The following DST variants were observed in gnomAD, a reference collection of about 807,000 sequenced individuals.
DST encodes dystonin.
DST carries 253 observed loss-of-function variants against 875.2 expected under a neutral mutation model. That is an observed-to-expected ratio of 0.29 (90% CI 0.26 to 0.32). The LOEUF is 0.32. DST is among the 10% of genes least tolerant of loss of function. The pLI, the probability that DST is intolerant of heterozygous loss-of-function variation, is 1.00. For synonymous variants in DST, 3,124 were observed against 3,197.1 expected, an observed-to-expected ratio of 0.98 and a Z score of 0.77; for missense variants, 8,287 against 9,111.6, an observed-to-expected ratio of 0.91 and a Z score of 3.68.
intron 5 of DST, among the ~76,000 whole-genome samples, chr6:56,732,623 T>C (rs2099505452): frequency 6.6e-6 from 1 of 152,216 alleles, no homozygotes; most frequent in Non-Finnish European, 1.5e-5. Flanking sequence ...AGCTCCACAA[T>C]GTTTACTTTT....
At chr6:56,877,110 C>A (rs890647699) in intron 3 of DST, among the ~76,000 whole-genome samples, 4 of 152,176 alleles carry the variant, frequency 2.6e-5, no homozygotes, top group African/African-American at 9.7e-5. Flanking sequence ...AGGCTCTTAC[C>A]TAGATACCTG....
intron 3 of DST, among the ~76,000 whole-genome samples, chr6:56,853,762 T>C (rs1766462908): frequency 6.6e-6 from 1 of 152,080 alleles, no homozygotes; most frequent in South Asian, 2.1e-4. Flanking sequence ...TAATCACTCA[T>C]AGCCAGATGG....
rs1336481799 is a variant in DST, at chr6:56,555,322, A to G, written c.15136+23T>C. ...TGACATTTATTTCTGACCAGGAAAT[A>G]TATGTATTAAAAGTAGACAAACCTG... On this transcript the variant is annotated intron_variant, in intron 60 of 103. Transcript: ENST00000680361. 3.9e-6 allele frequency: 6 copies of G among 1,537,826 alleles called. No individual in the cohort carries two copies. The Admixed American group carries it at 8.2e-5, about 21-fold the overall frequency.
chr6:56,463,505 A>G, intron 101 of DST, 60 bp downstream of exon 101: 1 of 1,436,240 alleles, frequency 7.0e-7, no homozygotes, highest in East Asian at 2.3e-5. Flanking sequence ...AGAACATTCA[A>G]AAGTCTACTT....
Position 56,607,430 on chromosome 6 carries a change from T to C in DST, c.7198A>G (p.Asn2400Asp), listed in dbSNP as rs779755441. The change falls in exon 40 of 104, where the codon AAT (asparagine) becomes GAT (aspartate). Residue 2400 changes from asparagine to aspartate, a missense_variant. Physicochemically the swap from Asn to Asp is conservative, Grantham distance 23. Transcript: ENST00000680361. ...CTCATTTTTGATTTCATAATAGGATTTTCTATTAAATCACTTGGAAAGTTT... is the reference window on the plus strand; with the variant it reads ...CTCATTTTTGATTTCATAATAGGATCTTCTATTAAATCACTTGGAAAGTTT... ...IQNFPSDLIE[N>D]PIMKSKMSKF... 1 of 1,609,634 alleles carries C rather than the reference T, an allele frequency of 6.2e-7. No individual in the cohort carries two copies. The highest frequency in any genetic ancestry group is 8.5e-7 in the Non-Finnish European group (1 of 1,177,598).
chr6:56,790,474 A>G (rs1191506450), intron 4 of DST, among the ~76,000 whole-genome samples: 1 of 152,204 alleles, frequency 6.6e-6, no homozygotes, highest in African/African-American at 2.4e-5. Flanking sequence ...TACCCCAGAT[A>G]AAGCCTATTA....
chr6:56,718,562 T>C (rs1232078168), intron 5 of DST, among the ~76,000 whole-genome samples: 2 of 152,178 alleles, frequency 1.3e-5, no homozygotes, highest in African/African-American at 4.8e-5. Flanking sequence ...TAGGGAAATG[T>C]GCAAAAGAAA....
chr6:56,735,556 T>TCACCACCACCACCACCACCAC (rs138864657), intron 4 of DST, among the ~76,000 whole-genome samples: 25 of 151,286 alleles, frequency 1.7e-4, no homozygotes, highest in African/African-American at 4.9e-4. Flanking sequence ...TAACCCCTCA[T>TCACCACCACCACCACCACCAC]CACCACCACC....
chr6:56,903,426 G>A (rs1408130747), intron 2 of DST, among the ~76,000 whole-genome samples: 2 of 152,130 alleles, frequency 1.3e-5, no homozygotes, highest in African/African-American at 4.8e-5. Context: ...TACCAAGAGT[G>A]CCCAGTAAGA....
chr6:56,773,418 C>A (rs779595816), intron 4 of DST, among the ~76,000 whole-genome samples: 1 of 151,590 alleles, frequency 6.6e-6, no homozygotes, highest in African/African-American at 2.4e-5. Context: ...GATTTGGGTC[C>A]CCTGAATCTC....
intron 10 of DST, among the ~76,000 whole-genome samples, chr6:56,662,658 G>C (rs2152815444): frequency 6.6e-6 from 1 of 152,128 alleles, no homozygotes; most frequent in East Asian, 1.9e-4. Flanking sequence ...GATCTTTTTT[G>C]GCCGGGCGAG....
chr6:56,845,316 T>C (rs1186730224), intron 4 of DST, among the ~76,000 whole-genome samples: 1 of 152,190 alleles, frequency 6.6e-6, no homozygotes, highest in Non-Finnish European at 1.5e-5. Flanking sequence ...CTATGGACCA[T>C]TTTCCATTAA....
chr6:56,509,091 C>G (rs1293752726), intron 74 of DST, among the ~76,000 whole-genome samples: 1 of 152,146 alleles, frequency 6.6e-6, no homozygotes, highest in African/African-American at 2.4e-5. Flanking sequence ...TTTTATGCTC[C>G]CCAAATCAAG....
chr6:56,479,282 T>C (rs1362760087), intron 90 of DST, among the ~76,000 whole-genome samples: 1 of 152,126 alleles, frequency 6.6e-6, no homozygotes, highest in Non-Finnish European at 1.5e-5. Context: ...AAACAACAAA[T>C]GATGTGGATG....
intron 82 of DST, among the ~76,000 whole-genome samples, chr6:56,494,548 A>G (rs1406190560): frequency 1.3e-5 from 2 of 152,124 alleles, no homozygotes; most frequent in Non-Finnish European, 2.9e-5. Flanking sequence ...GTAAAATGAG[A>G]GGCTCTCGTA....
chr6:56,734,606 A>G (rs1208498753), intron 5 of DST, among the ~76,000 whole-genome samples: 1 of 152,204 alleles, frequency 6.6e-6, no homozygotes, highest in Admixed American at 6.5e-5. Flanking sequence ...ATAGGGTCCA[A>G]TAACTCCACG....
intron 69 of DST, among the ~76,000 whole-genome samples, chr6:56,518,897 T>C (rs940900320): frequency 2.6e-5 from 4 of 152,172 alleles, no homozygotes; most frequent in Non-Finnish European, 4.4e-5. Context: ...TGGGTGGAGA[T>C]AAGAAACTAG....
In DST at chr6:56,584,695, G is replaced by A. The variant is rs1441534862; in HGVS notation, c.12904-5758C>T. On this transcript the variant is annotated intron_variant, in intron 49 of 103. Transcript: ENST00000680361. ...CCAGTTTTCAAAGGGAATGCTTCCCGTTTTTGCCCATTCAGTATGATATTG... is the reference window on the plus strand; with the variant it reads ...CCAGTTTTCAAAGGGAATGCTTCCCATTTTTGCCCATTCAGTATGATATTG... Among the ~76,000 whole-genome samples the A allele has an allele frequency of 1.5e-4, 23 of 151,424 alleles. No homozygotes were observed. The South Asian group carries it at 1.7e-3, about 11-fold the overall frequency.
chr6:56,911,233 A>C (rs945394345), intron 2 of DST, among the ~76,000 whole-genome samples: 2 of 152,212 alleles, frequency 1.3e-5, no homozygotes, highest in African/African-American at 4.8e-5. Flanking sequence ...TCTATAGATC[A>C]GTGCTTCTCA....
Sources: gnomAD v4.1 joint callset for allele counts (sites outside exome capture counted in the v4.1 genomes callset) on GRCh38, gnomAD v4.1.1 for gene constraint, MANE v1.5 for transcripts, NCBI Gene and HGNC (gene_info 2026-07-23, HGNC 2026-07-21) for gene names.